AKT3: variants seen among roughly 807,000 people sequenced by gnomAD.
The protein encoded by AKT3 is RAC-gamma serine/threonine-protein kinase.
Under a neutral mutation model 65.3 loss-of-function variants are expected in AKT3, and 15 were observed. That is an observed-to-expected ratio of 0.23 (90% confidence interval 0.15 to 0.35). The LOEUF is 0.35. Ranked by LOEUF, AKT3 falls within the 10% of genes least tolerant of loss-of-function variation. The pLI is 1.00. For synonymous variants in AKT3, 206 were observed against 183.8 expected (o/e 1.12, Z -0.98); for missense variants, 243 against 576.5 (o/e 0.42, Z 5.92).
At chr1:243,488,955 T>G (rs1196575051) in intron 13 of AKT3, 5 of 1,611,826 alleles carry the variant, frequency 3.1e-6, no homozygotes, top group Admixed American at 3.3e-5. Flanking sequence ...ACACAGCCCC[T>G]GGGCCTGTTG....
At chr1:243,828,309 T>A (rs909484071) in intron 2 of AKT3, among the ~76,000 whole-genome samples, 1 of 152,164 alleles carries the variant, frequency 6.6e-6, no homozygotes, top group Non-Finnish European at 1.5e-5. Flanking sequence ...TTTTATCATC[T>A]CCATTTTACA....
intron 2 of AKT3, among the ~76,000 whole-genome samples, chr1:243,774,123 A>C (rs780321776): frequency 3.9e-5 from 6 of 152,206 alleles, no homozygotes; most frequent in Non-Finnish European, 7.3e-5. Flanking sequence ...TCTTACTATT[A>C]GTCCCATCTA....
At chr1:243,818,835 T>C (rs1034258281) in intron 2 of AKT3, among the ~76,000 whole-genome samples, 1 of 150,518 alleles carries the variant, frequency 6.6e-6, no homozygotes, top group African/African-American at 2.4e-5. Context: ...GTTCTCTCCA[T>C]GGGACTGACT....
intron 3 of AKT3, among the ~76,000 whole-genome samples, chr1:243,694,591 T>G (rs941448609): frequency 6.6e-6 from 1 of 152,056 alleles, no homozygotes; most frequent in East Asian, 1.9e-4. Context: ...AACCCTTTGG[T>G]TTATTGTTTT....
intron 12 of AKT3, among the ~76,000 whole-genome samples, chr1:243,527,695 T>A (rs1296678462): frequency 8.5e-5 from 13 of 152,048 alleles, no homozygotes; most frequent in African/African-American, 3.1e-4. Flanking sequence ...CCATAAAACA[T>A]TCTTCTCACT....
At chr1:243,798,950 A>G (rs766279380) in intron 2 of AKT3, among the ~76,000 whole-genome samples, 1 of 152,172 alleles carries the variant, frequency 6.6e-6, no homozygotes, top group Admixed American at 6.5e-5. Flanking sequence ...GTTCATCGCT[A>G]AAGTATGAGT....
At chr1:243,536,958 G>T (rs975390803) in intron 12 of AKT3, among the ~76,000 whole-genome samples, 3 of 151,984 alleles carry the variant, frequency 2.0e-5, no homozygotes, top group Non-Finnish European at 2.9e-5. Context: ...TACTCCTCTG[G>T]CCTTGCTTCA....
chr1:243,505,005 A>T lies in AKT3; in HGVS notation c.*244T>A, dbSNP rs879610006. On this transcript the variant is annotated 3_prime_UTR_variant, in exon 14 of 14. Coordinates refer to ENST00000673466, the MANE Select transcript of AKT3 (RefSeq NM_005465.7). ...CTTAAAGTTGCTATAATAGTAAGACAGTAGCAGCAACAGCATGAGACCTTA... is the reference window on the plus strand; with the variant it reads ...CTTAAAGTTGCTATAATAGTAAGACTGTAGCAGCAACAGCATGAGACCTTA... 9 of 486,470 alleles carry T rather than the reference A, an allele frequency of 1.9e-5. No homozygotes were observed. Among genetic ancestry groups the T allele is most frequent in the African/African-American group, 3.9e-5 (2 of 51,376 alleles). The allele number at this position is 486,470 out of a possible 1,614,324, so 30.1% of individuals were successfully genotyped here.
intron 13 of AKT3, among the ~76,000 whole-genome samples, chr1:243,488,790 T>G (rs1052315089): frequency 6.6e-6 from 1 of 152,174 alleles, no homozygotes; most frequent in Non-Finnish European, 1.5e-5. Context: ...TAATTGATAG[T>G]GTACTGAGAT....
At chr1:243,641,031 G>A (rs1247994449) in intron 5 of AKT3, among the ~76,000 whole-genome samples, 1 of 151,988 alleles carries the variant, frequency 6.6e-6, no homozygotes, top group African/African-American at 2.4e-5. Flanking sequence ...AGTGTGGCTA[G>A]AATATAAAGC....
intron 2 of AKT3, among the ~76,000 whole-genome samples, chr1:243,739,210 A>C (rs541544987): frequency 6.6e-5 from 10 of 152,220 alleles, no homozygotes; most frequent in African/African-American, 9.6e-5. Context: ...AAGAGCAAAA[A>C]GAAAGAGTAA....
At chr1:243,695,202 C>T (rs1291496641) in intron 3 of AKT3, among the ~76,000 whole-genome samples, 1 of 151,930 alleles carries the variant, frequency 6.6e-6, no homozygotes, top group Non-Finnish European at 1.5e-5. Context: ...TTTCTCATCA[C>T]ACAATCAAAA....
At chr1:243,542,692 A>C (rs766333359) in intron 12 of AKT3, among the ~76,000 whole-genome samples, 3 of 152,222 alleles carry the variant, frequency 2.0e-5, no homozygotes, top group Non-Finnish European at 4.4e-5. Context: ...ATTTACACTA[A>C]AACACTGAAA....
chr1:243,616,112 G>A (rs112856609), intron 6 of AKT3, among the ~76,000 whole-genome samples: 1 of 151,252 alleles, frequency 6.6e-6, no homozygotes, highest in South Asian at 2.1e-4. Context: ...ACATGAATAA[G>A]TTCTTTAGTG....
At chr1:243,604,133 G>A (rs1240554154) in intron 8 of AKT3, among the ~76,000 whole-genome samples, 1 of 152,010 alleles carries the variant, frequency 6.6e-6, no homozygotes, top group Non-Finnish European at 1.5e-5. Flanking sequence ...GGCCTCAGGT[G>A]ATCCACCCAC....
chr1:243,494,858 T>C (rs1043099928), downstream of AKT3, among the ~76,000 whole-genome samples: 6 of 152,352 alleles, frequency 3.9e-5, no homozygotes, highest in South Asian at 8.3e-4. Flanking sequence ...GCATGTAGTG[T>C]AGATAAGTGG....
At chr1:243,794,497 C>G (rs557769527) in intron 2 of AKT3, 1 of 152,350 alleles carries the variant, frequency 6.6e-6, no homozygotes, top group East Asian at 1.9e-4. Flanking sequence ...TAAACAACTA[C>G]TTTACAAACA....
intron 12 of AKT3, among the ~76,000 whole-genome samples, chr1:243,523,256 G>GACGA (rs1670832694): frequency 9.0e-6 from 1 of 111,382 alleles, no homozygotes; most frequent in Admixed American, 9.3e-5. Flanking sequence ...CTCCAAAAAG[G>GACGA]ACGAACACAC....
At chr1:243,703,773 A>AG (rs773182055) in intron 2 of AKT3, among the ~76,000 whole-genome samples, 12 of 146,222 alleles carry the variant, frequency 8.2e-5, no homozygotes, top group Non-Finnish European at 1.7e-4. Flanking sequence ...AAAAAAAAAA[A>AG]AAAAAGAAAA....
Sources: gnomAD v4.1 joint callset for allele counts (sites outside exome capture counted in the v4.1 genomes callset) on GRCh38, gnomAD v4.1.1 for gene constraint, MANE v1.5 for transcripts, NCBI Gene and HGNC (gene_info 2026-07-23, HGNC 2026-07-21) for gene names.